Variants in FLII observed in about 807,000 individuals in gnomAD.
FLII encodes FLII actin remodeling protein.
Under a neutral mutation model 156.2 loss-of-function variants are expected in FLII, and 101 were observed. The ratio of observed to expected loss-of-function variants is 0.65; its 90% CI spans 0.55 to 0.76. FLII has a LOEUF of 0.76. FLII is among the 30% of genes least tolerant of loss of function. The pLI is 0.00. For missense variants in FLII, 1,675 were observed against 1,682.8 expected (o/e 1.00, Z 0.08); for synonymous variants, 767 against 685.8 (o/e 1.12, Z -1.85).
chr17:18,249,396 CGTT>C lies in FLII; in HGVS notation c.1786_1788del (p.Asn596del). ...GTTCCACCCTCAATGTAGGAGATGT[CGTT>C]GTCAAACACCTGTGTGTGTGAGGGT... On this transcript the variant is annotated inframe_deletion, in exon 15 of 30. Transcript: ENST00000327031. 7 of 1,613,966 alleles carry C rather than the reference CGTT, an allele frequency of 4.3e-6. No homozygotes were observed. The highest frequency in any genetic ancestry group is 1.7e-4 in the Middle Eastern group (1 of 6,028).
At position 18,246,620 on chromosome 17, in the gene FLII, C is replaced by T; in HGVS notation, c.3025G>A (p.Glu1009Lys). The T allele has an allele frequency of 2.5e-6, 4 of 1,614,002 alleles. No homozygotes were observed. The highest frequency in any genetic ancestry group is 3.4e-6 in the Non-Finnish European group (4 of 1,179,922). ...TFTFSLQKKF[E>K]SLFPGKLEVV... ...TCCAGCTTCCCAGGGAAGAGGCTCT[C>T]GAACTTCTTTTGCAGGCTGAAGGTG... Residue 1009 changes from glutamate to lysine, a missense_variant, in exon 23 of 30, where the codon GAG becomes AAG. Transcript: ENST00000327031.
rs1347599374 is a variant in FLII, at chr17:18,254,676, G to A, written c.420C>T (p.Asp140=). 3.1e-5 allele frequency: 50 copies of A among 1,613,924 alleles called. No homozygotes were observed. Among genetic ancestry groups the A allele is most frequent in the Non-Finnish European group, 4.1e-5 (48 of 1,179,874 alleles). The part of the protein sequence containing the change: ...LVLNLSHNSI[D]TIPNQLFINL... ...TGATGAAGAGCTGGTTGGGGATGGT[G>A]TCGATGCTACGGGTGGGGAGCAGGA... The change falls in exon 6 of 30, where the codon GAC becomes GAT. Residue 140 remains aspartate, a synonymous_variant. Coordinates refer to ENST00000327031, the MANE Select transcript of FLII (RefSeq NM_002018.4).
intron 25 of FLII, 22 bp downstream of exon 25, chr17:18,246,140 T>C (rs773087341): frequency 1.2e-6 from 2 of 1,614,062 alleles, no homozygotes; most frequent in African/African-American, 1.3e-5. Context: ...CACGGAGTCC[T>C]GGCTCACACC....
rs2048490374 is a variant in FLII, at chr17:18,258,318, G to T, written c.63+310C>A. The T allele has an allele frequency of 5.1e-6, 3 of 585,866 alleles. No homozygotes were observed. Among genetic ancestry groups the T allele is most frequent in the South Asian group, 4.8e-5 (2 of 41,842 alleles). The allele number at this position is 585,866 out of a possible 1,614,324, so 36.3% of individuals were successfully genotyped here. On this transcript the variant is annotated intron_variant, in intron 1 of 29. Transcript: ENST00000327031. The surrounding 1 kb of genome is among the most constrained non-coding windows in gnomAD (Gnocchi z 4.2). ...CTCAGAGGGGCGGGGAGGCTCGCCC[G>T]ATCCCCAGGCCACCATCCAGCCTAG...
intron 9 of FLII, among the ~76,000 whole-genome samples, chr17:18,252,969 G>A (rs1292023230): frequency 6.6e-6 from 1 of 152,048 alleles, no homozygotes; most frequent in East Asian, 1.9e-4. Context: ...TGGCCAACAT[G>A]GTGAGACCCC....
chr17:18,247,136 C>T (rs548577705), intron 21 of FLII, 33 bp downstream of exon 21: 33 of 1,020,706 alleles, frequency 3.2e-5, no homozygotes, highest in African/African-American at 6.8e-5. Context: ...CCCCACCCCC[C>T]CCCCCGCGCC....
rs776566611 is a variant in FLII at position 18,251,270 on chromosome 17, G to A, written c.1591C>T (p.Leu531Phe). 104 of 1,613,688 alleles carry A rather than the reference G, an allele frequency of 6.4e-5. No individual in the cohort carries two copies. Among genetic ancestry groups the A allele is most frequent in the Non-Finnish European group, 8.8e-5 (104 of 1,179,902 alleles). The change falls in exon 13 of 30, where the codon CTC becomes TTC. Residue 531 changes from leucine to phenylalanine, a missense_variant. Physicochemically the swap from Leu to Phe is conservative, Grantham distance 22. Transcript: ENST00000327031. Reference sequence around the variant, plus strand: ...ACAGCATGCCCAGCCCTCACCTTGAGCACAATGTAGCAGTCAGCCTCGTAG... The same window carrying A: ...ACAGCATGCCCAGCCCTCACCTTGAACACAATGTAGCAGTCAGCCTCGTAG... ...KFYEADCYIV[L>F]KTFLDDSGSL...
Position 18,258,313 on chromosome 17 carries a change from C to A in FLII, c.63+315G>T. 1.7e-6 allele frequency: 1 copy of A among 572,788 alleles called. No homozygotes were observed. Among genetic ancestry groups the A allele is most frequent in the East Asian group, 3.5e-5 (1 of 28,634 alleles). 35.5% of individuals were successfully genotyped at this position (572,788 alleles called of 1,614,324 possible). On this transcript the variant is annotated intron_variant, in intron 1 of 29. Transcript: ENST00000327031. The surrounding 1 kb of genome is among the most constrained non-coding windows in gnomAD (Gnocchi z 4.2). The stretch of plus-strand genomic sequence containing the variant: ...GTGACCTCAGAGGGGCGGGGAGGCT[C>A]GCCCGATCCCCAGGCCACCATCCAG...
In FLII at chr17:18,250,883, G is replaced by A; in HGVS notation, c.1731C>T (p.Arg577=). 6.2e-7 allele frequency: 1 copy of A among 1,614,050 alleles called. No homozygotes were observed. The highest frequency in any genetic ancestry group is 8.5e-7 in the Non-Finnish European group (1 of 1,180,004). The part of the protein sequence containing the change: ...NLRNYLGAEC[R]TVREEMGDES... ...CATCGCCCATCTCCTCCCGGACAGTGCGGCACTCAGCACCCAGGTAGTTGC... is the reference window on the plus strand; with the variant it reads ...CATCGCCCATCTCCTCCCGGACAGTACGGCACTCAGCACCCAGGTAGTTGC... Residue 577 remains arginine (R), a synonymous_variant, in exon 14 of 30, where the codon CGC becomes CGT. Transcript: ENST00000327031.
In FLII at chr17:18,244,998, G is replaced by T; in HGVS notation, c.*140C>A. 1 of 924,472 alleles carries T rather than the reference G, an allele frequency of 1.1e-6. No individual in the cohort carries two copies. The highest frequency in any genetic ancestry group is 1.6e-6 in the Non-Finnish European group (1 of 606,068). 57.3% of individuals were successfully genotyped at this position (924,472 alleles called of 1,614,324 possible). ...GCACCTGTCAGGGTCATCCCCATTGGTGCTGCTTGAGGCTACTGGGGACTG... is the reference window on the plus strand; with the variant it reads ...GCACCTGTCAGGGTCATCCCCATTGTTGCTGCTTGAGGCTACTGGGGACTG... On this transcript the variant is annotated 3_prime_UTR_variant, in exon 30 of 30. Transcript: ENST00000327031.
intron 12 of FLII, 77 bp from the exon 13 acceptor site, chr17:18,251,554 A>G: frequency 1.3e-6 from 2 of 1,565,598 alleles, no homozygotes; most frequent in Non-Finnish European, 1.7e-6. Flanking sequence ...CCCACACCTC[A>G]GGGCCTTTGC....
rs1376059008 is a variant in FLII, at chr17:18,246,362, G to A, written c.3152C>T (p.Ala1051Val). ...GATCTGGTAGAGGCTGGGCTGTTGG[G>A]CGCCCTGGACCGCCTTCCTCTTGCC... ...HRGKRKAVQG[A>V]QQPSLYQIRT... Residue 1051 changes from alanine to valine, a missense_variant, in exon 24 of 30, where the codon GCC becomes GTC. Ala to Val is a moderately conservative substitution (Grantham distance 64, BLOSUM62 0). Coordinates refer to ENST00000327031, the MANE Select transcript of FLII (RefSeq NM_002018.4). 7.4e-6 allele frequency: 12 copies of A among 1,613,732 alleles called. No homozygotes were observed. The highest frequency in any genetic ancestry group is 9.3e-6 in the Non-Finnish European group (11 of 1,180,004).
chr17:18,250,767 G>T, intron 14 of FLII, 71 bp downstream of exon 14: 1 of 1,513,660 alleles, frequency 6.6e-7, no homozygotes. Flanking sequence ...CCTGCCTTGG[G>T]CCCACTGCCC....
chr17:18,252,358 C>T (rs1252258130), intron 10 of FLII, 114 bp downstream of exon 10: 1 of 1,047,596 alleles, frequency 9.5e-7, no homozygotes, highest in South Asian at 1.4e-5. Context: ...CTTCTCCCCA[C>T]GGGCACCCTG....
rs1597928970 is a variant in FLII, at chr17:18,258,364, G to A, written c.63+264C>T. 2.2e-6 allele frequency: 2 copies of A among 898,066 alleles called. No homozygotes were observed. The highest frequency in any genetic ancestry group is 1.8e-5 in the African/African-American group (1 of 57,044). The allele number at this position is 898,066 out of a possible 1,614,324, so 55.6% of individuals were successfully genotyped here. ...CCTAGACCGAGAACACGGACGCGGG[G>A]TGGGGGCTCCCGGCCGGGCCCCCGG... On this transcript the variant is annotated intron_variant, in intron 1 of 29. Coordinates refer to ENST00000327031, the MANE Select transcript of FLII (RefSeq NM_002018.4). This position sits in a 1 kb window ranked among gnomAD's most constrained non-coding sequence, Gnocchi z 4.2.
In FLII at chr17:18,253,317, G is replaced by T. The variant is rs1170940941; in HGVS notation, c.997C>A (p.Pro333Thr). 1 of 1,613,788 alleles carries T rather than the reference G, an allele frequency of 6.2e-7. No homozygotes were observed. The highest frequency in any genetic ancestry group is 1.3e-5 in the African/African-American group (1 of 74,938). ...MAANNNLELVPESLCRCPKLR... is the reference protein window; with the variant it reads ...MAANNNLELVTESLCRCPKLR... ...GCCCAGCACCTGCAGAGACTTTCAG[G>T]GACCAGCTCCAGGTTGTTGTTGGCA... The change falls in exon 9 of 30, where the codon CCT (proline) becomes ACT (threonine). Residue 333 changes from proline (P) to threonine (T), a missense_variant. By Grantham distance (38) the Pro-to-Thr change is conservative. Transcript: ENST00000327031.
rs73289914 is a variant in FLII, at chr17:18,251,917, T to C, written c.1246+82A>G. 4.4e-3 allele frequency: 7,121 copies of C among 1,603,554 alleles called. 280 individuals carry two copies. The African/African-American group carries it at 0.082, about 18-fold the overall frequency. On this transcript the variant is annotated intron_variant, in intron 11 of 29. Transcript: ENST00000327031. ...CTCCACCCACCAGGGTCCAGAAAGC[T>C]GTATGCCACCCAATTTACAGATGTG...
At chr17:18,250,424 C>G (rs566314312) in intron 14 of FLII, among the ~76,000 whole-genome samples, 2 of 152,318 alleles carry the variant, frequency 1.3e-5, no homozygotes, top group African/African-American at 4.8e-5. Context: ...AGACTGGACT[C>G]TGGTCCCGCC....
chr17:18,249,094 G>A (rs1306163067), intron 16 of FLII, 33 bp downstream of exon 16: 3 of 1,594,716 alleles, frequency 1.9e-6, no homozygotes, highest in South Asian at 1.1e-5. Flanking sequence ...GGCTGAGGAT[G>A]AAGCACCCCC....
Sources: allele counts gnomAD v4.1 joint callset (sites outside exome capture counted in the v4.1 genomes callset), GRCh38; gene constraint gnomAD v4.1.1; non-coding constraint Gnocchi (gnomAD v3.1); transcripts MANE v1.5; gene names NCBI Gene and HGNC (gene_info 2026-07-23, HGNC 2026-07-21).